Variants in PITPNB observed in about 807,000 individuals in gnomAD.
PITPNB encodes phosphatidylinositol transfer protein beta, also known as phosphatidylinositol transfer protein beta isoform.
A neutral mutation model predicts 45.9 loss-of-function variants in PITPNB; 16 were observed. The ratio of observed to expected loss-of-function variants is 0.35; its 90% confidence interval spans 0.24 to 0.53. The LOEUF (loss-of-function observed/expected upper bound fraction) is 0.53, where lower values mean the gene tolerates loss of function less well. Ranked by LOEUF, PITPNB falls within the 20% of genes least tolerant of loss-of-function variation. The probability of loss-of-function intolerance (pLI) is 0.93; values close to 1 mark genes in which losing one functional copy is unlikely to be tolerated. For synonymous variants in PITPNB, 112 were observed against 108.9 expected, an observed-to-expected ratio of 1.03 and a Z score of -0.18; for missense variants, 188 against 330.5, an observed-to-expected ratio of 0.57 and a Z score of 3.34.
chr22:27,877,471 C>T (rs1048307630), intron 7 of PITPNB, among the ~76,000 whole-genome samples: 1 of 152,202 alleles, frequency 6.6e-6, no homozygotes, highest in African/African-American at 2.4e-5. Context: ...TGAGTCTCCA[C>T]ACTGGAGCCA....
At chr22:27,894,716 G>T in intron 6 of PITPNB, 78 bp from the exon 7 acceptor site, 1 of 789,974 alleles carries the variant, frequency 1.3e-6, no homozygotes. Flanking sequence ...TCTTTATCTT[G>T]AGTCTCTCAG....
chr22:27,893,250 T>C (rs1293584733), intron 7 of PITPNB, among the ~76,000 whole-genome samples: 3 of 151,644 alleles, frequency 2.0e-5, no homozygotes, highest in Non-Finnish European at 4.4e-5. Context: ...TTAATATTCA[T>C]AAACTTTGGC....
Position 27,916,484 on chromosome 22 carries a change from G to A in PITPNB, c.21-2137C>T, listed in dbSNP as rs116671267. Among the ~76,000 whole-genome samples the A allele has an allele frequency of 5.8e-3, 883 of 152,170 alleles. 9 individuals carry two copies. The highest frequency in any genetic ancestry group is 0.021 in the African/African-American group (853 of 41,524). On this transcript the variant is annotated intron_variant, in intron 1 of 11. Coordinates refer to ENST00000335272, the MANE Select transcript of PITPNB (RefSeq NM_012399.5). ...AACTTGAAGGGAAACAGCCCACCTCGAAAGTCATTTCTAACATTTTAATTC... is the reference window on the plus strand; with the variant it reads ...AACTTGAAGGGAAACAGCCCACCTCAAAAGTCATTTCTAACATTTTAATTC...
chr22:27,858,941 A>T (rs1934243981), intron 9 of PITPNB, among the ~76,000 whole-genome samples: 1 of 152,344 alleles, frequency 6.6e-6, no homozygotes, highest in Middle Eastern at 3.4e-3. Context: ...GAAAGAAAAG[A>T]GTCCTGGGTT....
At chr22:27,886,776 T>G (rs1935133144) in intron 7 of PITPNB, among the ~76,000 whole-genome samples, 1 of 152,366 alleles carries the variant, frequency 6.6e-6, no homozygotes, top group Non-Finnish European at 1.5e-5. Flanking sequence ...CACTCCCAAC[T>G]ATTTCATGTT....
At chr22:27,888,437 T>C (rs1320215588) in intron 7 of PITPNB, among the ~76,000 whole-genome samples, 1 of 152,206 alleles carries the variant, frequency 6.6e-6, no homozygotes, top group Non-Finnish European at 1.5e-5. Flanking sequence ...ACAGACAATG[T>C]ATGGGAGTGC....
At chr22:27,900,576 G>C (rs991798321) in intron 3 of PITPNB, among the ~76,000 whole-genome samples, 3 of 151,542 alleles carry the variant, frequency 2.0e-5, no homozygotes, top group African/African-American at 7.3e-5. Context: ...TTTTTTTTAT[G>C]TTTAACGTGA....
chr22:27,911,247 ACAACT>A lies in PITPNB; in HGVS notation c.52-143_52-139del, dbSNP rs1232938911. ...GCACAACTGTGTTCAATATGAAAACACAACTCAAATTAGAAATTAATACGTTTAGG... is the reference window on the plus strand; with the variant it reads ...GCACAACTGTGTTCAATATGAAAACACAAATTAGAAATTAATACGTTTAGG... On this transcript the variant is annotated intron_variant, in intron 2 of 11. Coordinates refer to ENST00000335272, the MANE Select transcript of PITPNB (RefSeq NM_012399.5). The A allele has an allele frequency of 4.4e-5, 25 of 567,538 alleles. 1 individual carries two copies. Among genetic ancestry groups the A allele is most frequent in the Non-Finnish European group, 7.2e-5 (23 of 321,604 alleles). 35.2% of individuals were successfully genotyped at this position (567,538 alleles called of 1,614,324 possible).
chr22:27,866,320 C>A (rs563680233), intron 8 of PITPNB, among the ~76,000 whole-genome samples: 81 of 152,276 alleles, frequency 5.3e-4, no homozygotes, highest in Admixed American at 5.2e-3. Flanking sequence ...AAATGAAACT[C>A]CCAAGCCTGA....
intron 7 of PITPNB, among the ~76,000 whole-genome samples, chr22:27,881,909 T>G (rs1047440798): frequency 6.6e-6 from 1 of 152,218 alleles, no homozygotes; most frequent in Non-Finnish European, 1.5e-5. Context: ...TTTAACTTTT[T>G]CTGGTCATGT....
At chr22:27,910,845 C>A in intron 3 of PITPNB, 119 bp downstream of exon 3, 1 of 690,890 alleles carries the variant, frequency 1.4e-6, no homozygotes, top group Non-Finnish European at 2.5e-6. Flanking sequence ...AATTAAAATG[C>A]AATATATTAT....
intron 3 of PITPNB, among the ~76,000 whole-genome samples, chr22:27,899,484 G>A (rs1004024568): frequency 2.0e-5 from 3 of 152,148 alleles, no homozygotes; most frequent in South Asian, 4.2e-4. Flanking sequence ...CACTAGGCCC[G>A]GCTAATTTTT....
intron 3 of PITPNB, among the ~76,000 whole-genome samples, chr22:27,904,032 A>G (rs1055597876): frequency 6.6e-6 from 1 of 152,160 alleles, no homozygotes; most frequent in African/African-American, 2.4e-5. Context: ...ATAACATTAT[A>G]AAGTGGTGTA....
chr22:27,893,348 G>A (rs1217791323), intron 7 of PITPNB, among the ~76,000 whole-genome samples: 4 of 150,396 alleles, frequency 2.7e-5, no homozygotes, highest in South Asian at 2.1e-4. Context: ...GCAGTGGCGC[G>A]ATCTCGGCTC....
intron 1 of PITPNB, among the ~76,000 whole-genome samples, chr22:27,916,669 G>A (rs1936085125): frequency 6.6e-6 from 1 of 152,128 alleles, no homozygotes; most frequent in African/African-American, 2.4e-5. Context: ...CGGTCATGGT[G>A]GCGTGCGCCT....
At chr22:27,875,800 A>C (rs561207884) in intron 7 of PITPNB, among the ~76,000 whole-genome samples, 2 of 152,310 alleles carry the variant, frequency 1.3e-5, no homozygotes, top group South Asian at 4.1e-4. Context: ...AGTAAAAGAG[A>C]ACTAACACAG....
At chr22:27,906,385 G>C (rs1198607211) in intron 3 of PITPNB, among the ~76,000 whole-genome samples, 1 of 152,216 alleles carries the variant, frequency 6.6e-6, no homozygotes, top group Non-Finnish European at 1.5e-5. Flanking sequence ...GAAAGTAAGA[G>C]ATGGTGAAAC....
In PITPNB at chr22:27,853,678, A is replaced by C; in HGVS notation, c.*39-15T>G. The stretch of plus-strand genomic sequence containing the variant: ...TGATTACGTAACTGTAAGAAAAGTG[A>C]AAGACAGTGCAAAATGTGTTAAAAT... On this transcript the variant is annotated splice_polypyrimidine_tract_variant and intron_variant, in intron 11 of 11. Coordinates refer to ENST00000335272, the MANE Select transcript of PITPNB (RefSeq NM_012399.5). 1 of 1,542,098 alleles carries C rather than the reference A, an allele frequency of 6.5e-7. No individual in the cohort carries two copies. Among genetic ancestry groups the C allele is most frequent in the Non-Finnish European group, 8.8e-7 (1 of 1,138,968 alleles).
At chr22:27,903,299 G>A (rs144061075) in intron 3 of PITPNB, among the ~76,000 whole-genome samples, 2,993 of 151,604 alleles carry the variant, frequency 0.02, 48 homozygotes, top group Middle Eastern at 0.031. Context: ...GAGAAACCCC[G>A]TCTCTACTAA....
Sources: allele counts gnomAD v4.1 joint callset (sites outside exome capture counted in the v4.1 genomes callset), GRCh38; gene constraint gnomAD v4.1.1; transcripts MANE v1.5; gene names NCBI Gene and HGNC (gene_info 2026-07-23, HGNC 2026-07-21).